The following WDR49 variants were observed in gnomAD, a reference collection of about 807,000 sequenced individuals.
WDR49 encodes cilia- and flagella-associated protein 337.
In WDR49, 107 loss-of-function variants were observed where a neutral mutation model predicts 119.5. That is an observed-to-expected ratio of 0.90 (90% CI 0.77 to 1.05). The LOEUF (loss-of-function observed/expected upper bound fraction) is 1.05, where lower values mean the gene tolerates loss of function less well. Ranked by LOEUF, WDR49 falls within the 50% of genes least tolerant of loss-of-function variation. The pLI is 0.00. For synonymous variants in WDR49, 425 were observed against 418.8 expected (o/e 1.01, Z -0.18); for missense variants, 1,240 against 1,220.5 (o/e 1.02, Z -0.24).
At chr3:167,631,643 C>A (rs146599998) in intron 2 of WDR49, among the ~76,000 whole-genome samples, 63 of 152,128 alleles carry the variant, frequency 4.1e-4, no homozygotes, top group Admixed American at 7.9e-4. Context: ...CTTTTCCCAC[C>A]ACATCGAAGC....
At chr3:167,566,136 C>T (rs1037870449) in intron 8 of WDR49, among the ~76,000 whole-genome samples, 1 of 152,122 alleles carries the variant, frequency 6.6e-6, no homozygotes, top group South Asian at 2.1e-4. Context: ...GGAAATGGTC[C>T]TCTCCTACGC....
At chr3:167,532,422 C>T (rs1167419858) in intron 12 of WDR49, among the ~76,000 whole-genome samples, 2 of 152,092 alleles carry the variant, frequency 1.3e-5, no homozygotes, top group Admixed American at 1.3e-4. Flanking sequence ...ATCTAATGTT[C>T]CTCATGGGCT....
At chr3:167,629,698 G>A (rs1717283792) in intron 2 of WDR49, among the ~76,000 whole-genome samples, 1 of 152,066 alleles carries the variant, frequency 6.6e-6, no homozygotes, top group Non-Finnish European at 1.5e-5. Context: ...ATTCATGGGA[G>A]GAAGTCAAAA....
intron 3 of WDR49, among the ~76,000 whole-genome samples, chr3:167,624,846 A>G (rs1717056526): frequency 6.6e-6 from 1 of 152,090 alleles, no homozygotes; most frequent in Non-Finnish European, 1.5e-5. Flanking sequence ...TTAGCTCCAG[A>G]TACTTGGCAA....
chr3:167,498,884 G>A (rs1169608438), intron 18 of WDR49, among the ~76,000 whole-genome samples: 1 of 152,130 alleles, frequency 6.6e-6, no homozygotes, highest in Non-Finnish European at 1.5e-5. Flanking sequence ...GGGGTAGACA[G>A]CAGGAGAAGG....
At chr3:167,649,994 AC>A (rs1718294312) in intron 2 of WDR49, among the ~76,000 whole-genome samples, 1 of 152,180 alleles carries the variant, frequency 6.6e-6, no homozygotes, top group Non-Finnish European at 1.5e-5. Flanking sequence ...ATGGTCTCAG[AC>A]CAAACGGGCA....
In WDR49 at chr3:167,560,159, A is replaced by T. The variant is rs1276896651; in HGVS notation, c.1579T>A (p.Phe527Ile). 6.2e-7 allele frequency: 1 copy of T among 1,614,202 alleles called. No homozygotes were observed. The highest frequency in any genetic ancestry group is 8.5e-7 in the Non-Finnish European group (1 of 1,180,042). Residue 527 changes from phenylalanine to isoleucine, a missense_variant, in exon 9 of 19, where the codon TTT becomes ATT. By Grantham distance (21) the Phe-to-Ile change is conservative (BLOSUM62 0). Coordinates refer to ENST00000682715, the MANE Select transcript of WDR49 (RefSeq NM_001366157.1). ...TCTGCGTTGCCGTGGCAACCAGTAAACTGTTTGATTTTCTGCCCAGTGTCT... is the reference window on the plus strand; with the variant it reads ...TCTGCGTTGCCGTGGCAACCAGTAATCTGTTTGATTTTCTGCCCAGTGTCT... ...MIDTGQKIKQ[F>I]TGCHGNAEIS...
rs1577196847 is a variant in WDR49, at chr3:167,495,789, A to T, written c.3031+4364T>A. Among the ~76,000 whole-genome samples, 3 of 151,620 alleles carry T rather than the reference A, an allele frequency of 2.0e-5. No individual in the cohort carries two copies. In the East Asian group the frequency reaches 5.9e-4, roughly 30 times the overall value. ...AACCAAGGCTAAAGAGAAGTATTTTAAAAGCAGCCAGAATAAGATGCATCA... is the reference window on the plus strand; with the variant it reads ...AACCAAGGCTAAAGAGAAGTATTTTTAAAGCAGCCAGAATAAGATGCATCA... On this transcript the variant is annotated intron_variant, in intron 18 of 18. Transcript: ENST00000682715.
At chr3:167,630,957 C>G (rs570767034) in intron 2 of WDR49, among the ~76,000 whole-genome samples, 1 of 152,194 alleles carries the variant, frequency 6.6e-6, no homozygotes, top group African/African-American at 2.4e-5. Flanking sequence ...GGCTTAGGAA[C>G]GCTAGCCAGC....
intron 17 of WDR49, among the ~76,000 whole-genome samples, chr3:167,504,487 T>C (rs1023480230): frequency 1.3e-5 from 2 of 152,156 alleles, no homozygotes; most frequent in Admixed American, 1.3e-4. Context: ...AGAATGAAAA[T>C]GTTTATCCAA....
intron 5 of WDR49, among the ~76,000 whole-genome samples, chr3:167,605,781 T>C (rs1362105221): frequency 6.6e-6 from 1 of 152,198 alleles, no homozygotes; most frequent in Non-Finnish European, 1.5e-5. Context: ...TCTACTTCTA[T>C]ATCTCATAGG....
intron 16 of WDR49, among the ~76,000 whole-genome samples, chr3:167,512,935 C>A (rs547672591): frequency 1.3e-5 from 2 of 152,078 alleles, no homozygotes; most frequent in South Asian, 2.1e-4. Flanking sequence ...ACAAATGAAG[C>A]CTCTGAGAAC....
chr3:167,635,810 C>G (rs188671351), intron 2 of WDR49, among the ~76,000 whole-genome samples: 1 of 151,584 alleles, frequency 6.6e-6, no homozygotes, highest in Non-Finnish European at 1.5e-5. Context: ...CATCCTTCCA[C>G]CCATTGATCT....
chr3:167,525,778 C>T (rs1217473068), intron 15 of WDR49, among the ~76,000 whole-genome samples: 1 of 151,988 alleles, frequency 6.6e-6, no homozygotes, highest in Non-Finnish European at 1.5e-5. Context: ...AAAAATCTAA[C>T]CTGAAAACCA....
intron 18 of WDR49, among the ~76,000 whole-genome samples, chr3:167,479,390 C>T (rs1042655367): frequency 1.3e-5 from 2 of 152,024 alleles, no homozygotes; most frequent in Non-Finnish European, 2.9e-5. Flanking sequence ...TGACTGTCTG[C>T]ATGAATAAAC....
intron 14 of WDR49, among the ~76,000 whole-genome samples, 168 bp from the exon 15 acceptor site, chr3:167,528,185 A>T (rs183832146): frequency 2.3e-3 from 345 of 152,138 alleles, no homozygotes; most frequent in Admixed American, 3.9e-3. Context: ...AAATTACATT[A>T]AAAAAAGGTT....
At chr3:167,537,030 G>A (rs1457694305) in intron 10 of WDR49, 30 bp from the exon 11 acceptor site, 4 of 1,542,234 alleles carry the variant, frequency 2.6e-6, no homozygotes, top group Non-Finnish European at 2.6e-6. Flanking sequence ...ATTTAGCTGT[G>A]GATCTAAAAT....
chr3:167,525,145 G>A (rs1231909222), intron 15 of WDR49, among the ~76,000 whole-genome samples: 1 of 151,986 alleles, frequency 6.6e-6, no homozygotes. Context: ...TGTATTCCTA[G>A]GTATTTTATT....
intron 16 of WDR49, among the ~76,000 whole-genome samples, chr3:167,512,077 G>T (rs1334293001): frequency 2.6e-5 from 4 of 152,158 alleles, no homozygotes; most frequent in Admixed American, 6.5e-5. Flanking sequence ...TTCCCGCCAG[G>T]GCAGCACACC....
Sources: gnomAD v4.1 joint callset for allele counts (sites outside exome capture counted in the v4.1 genomes callset) on GRCh38, gnomAD v4.1.1 for gene constraint, MANE v1.5 for transcripts, NCBI Gene and HGNC (gene_info 2026-07-23, HGNC 2026-07-21) for gene names.